Variants in PSD3 observed in about 807,000 individuals in gnomAD.
PSD3 encodes the protein PH and SEC7 domain-containing protein 3.
Under a neutral mutation model 105.5 loss-of-function variants are expected in PSD3, and 49 were observed. The ratio of observed to expected loss-of-function variants is 0.46; its 90% CI spans 0.37 to 0.59. PSD3 has a LOEUF of 0.59. Among genes scored for constraint, PSD3 ranks in the 20% least tolerant of loss-of-function variants. The probability of loss-of-function intolerance (pLI) is 0.00; values close to 1 mark genes in which losing one functional copy is unlikely to be tolerated. For synonymous variants in PSD3, 557 were observed against 457.8 expected (o/e 1.22, Z -2.77); for missense variants, 1,561 against 1,263.8 (o/e 1.24, Z -3.57).
At chr8:18,617,780 A>T (rs890567033) in intron 11 of PSD3, among the ~76,000 whole-genome samples, 5 of 152,184 alleles carry the variant, frequency 3.3e-5, no homozygotes, top group African/African-American at 1.2e-4. Context: ...CACTGACAAA[A>T]CAGACTCTTA....
chr8:18,590,243 A>G (rs984570167), intron 12 of PSD3, among the ~76,000 whole-genome samples: 1 of 152,190 alleles, frequency 6.6e-6, no homozygotes, highest in Non-Finnish European at 1.5e-5. Flanking sequence ...CCCAGTCTCC[A>G]TTCCAAAGCA....
At chr8:18,974,816 G>A (rs1414126672) in intron 1 of PSD3, among the ~76,000 whole-genome samples, 3 of 152,140 alleles carry the variant, frequency 2.0e-5, no homozygotes, top group African/African-American at 7.2e-5. Flanking sequence ...ACATCCAGCA[G>A]GTCCTGCAGT....
chr8:18,755,358 A>T (rs942682784), intron 9 of PSD3, among the ~76,000 whole-genome samples: 2 of 152,136 alleles, frequency 1.3e-5, no homozygotes, highest in Middle Eastern at 3.4e-3. Context: ...TGAACCTAGG[A>T]GGTAGAGGTT....
chr8:18,551,201 T>A (rs188482869), intron 15 of PSD3, among the ~76,000 whole-genome samples: 1 of 152,240 alleles, frequency 6.6e-6, no homozygotes, highest in East Asian at 1.9e-4. Context: ...TCCCCAATGT[T>A]GACAAATAAA....
chr8:18,602,920 A>C (rs1458906275), intron 11 of PSD3, among the ~76,000 whole-genome samples: 2 of 152,194 alleles, frequency 1.3e-5, no homozygotes, highest in Non-Finnish European at 2.9e-5. Context: ...ATTTCACAGC[A>C]CGTGTGTTTT....
chr8:19,026,122 G>T (rs1018459321), intron 1 of PSD3, among the ~76,000 whole-genome samples: 1 of 152,112 alleles, frequency 6.6e-6, no homozygotes, highest in Non-Finnish European at 1.5e-5. Context: ...GCAAGGGAAA[G>T]ACCTGCCCCC....
At chr8:18,825,209 A>G (rs926318164) in intron 4 of PSD3, among the ~76,000 whole-genome samples, 1 of 152,198 alleles carries the variant, frequency 6.6e-6, no homozygotes, top group Admixed American at 6.5e-5. Context: ...AGAACCCAAA[A>G]GTTAGTTATA....
chr8:18,635,642 C>T (rs890263513), intron 10 of PSD3, among the ~76,000 whole-genome samples: 1 of 152,050 alleles, frequency 6.6e-6, no homozygotes, highest in African/African-American at 2.4e-5. Context: ...CCCAAATGCC[C>T]ACCAATGATA....
intron 1 of PSD3, among the ~76,000 whole-genome samples, chr8:19,070,968 T>C (rs1040072056): frequency 2.0e-5 from 3 of 152,216 alleles, no homozygotes; most frequent in African/African-American, 7.2e-5. Context: ...TTTTAAACCC[T>C]CTTCAAAGAG....
At chr8:18,787,679 A>G (rs1227454311) in intron 8 of PSD3, among the ~76,000 whole-genome samples, 1 of 152,194 alleles carries the variant, frequency 6.6e-6, no homozygotes, top group African/African-American at 2.4e-5. Context: ...CAGCGACAAT[A>G]TTACCATTTT....
chr8:18,996,761 T>G (rs1176393411), intron 1 of PSD3, among the ~76,000 whole-genome samples: 1 of 151,944 alleles, frequency 6.6e-6, no homozygotes, highest in Non-Finnish European at 1.5e-5. Context: ...TTTTCTACAT[T>G]TGATGTTTCC....
At chr8:18,877,765 C>G (rs1023367217) in intron 2 of PSD3, among the ~76,000 whole-genome samples, 2 of 152,036 alleles carry the variant, frequency 1.3e-5, no homozygotes, top group African/African-American at 4.8e-5. Flanking sequence ...TGGTCTTGAA[C>G]TCCTAGGCTC....
chr8:18,531,782 CTT>C lies in PSD3; in HGVS notation c.*3959_*3960del, dbSNP rs1799643002. ...AGGTTTAACAACTCTTAGGATGCCA[CTT>C]TGGTTCTTTGTTTTACAGTGCTAAT... is the stretch of plus-strand genomic sequence containing the variant. On this transcript the variant is annotated 3_prime_UTR_variant, in exon 16 of 16. Coordinates refer to ENST00000327040, the MANE Select transcript of PSD3 (RefSeq NM_015310.4). 6.6e-6 allele frequency: 1 copy of C among 152,242 alleles called. No individual in the cohort carries two copies. Among genetic ancestry groups the C allele is most frequent in the Non-Finnish European group, 1.5e-5 (1 of 68,044 alleles). The allele number at this position is 152,242 out of a possible 1,614,324, so 9.4% of individuals were successfully genotyped here.
chr8:18,646,172 C>T lies in PSD3; in HGVS notation c.2216+9470G>A, dbSNP rs367966436. Among the ~76,000 whole-genome samples, 42 of 152,194 alleles carry T rather than the reference C, an allele frequency of 2.8e-4. 1 individual carries two copies. The highest frequency in any genetic ancestry group is 2.7e-3 in the East Asian group (14 of 5,192). On this transcript the variant is annotated intron_variant, in intron 10 of 15. Transcript: ENST00000327040. ...TAGTTTTCTTGTTAGTAATGATTGCCAACCTACAGATGGCTACATTGAAGT... is the reference window on the plus strand; with the variant it reads ...TAGTTTTCTTGTTAGTAATGATTGCTAACCTACAGATGGCTACATTGAAGT...
intron 8 of PSD3, among the ~76,000 whole-genome samples, chr8:18,778,928 T>A (rs1390762825): frequency 1.3e-5 from 2 of 152,076 alleles, no homozygotes; most frequent in Non-Finnish European, 2.9e-5. Context: ...TCTTATTGTA[T>A]CCTTATCTGG....
chr8:18,601,786 C>T (rs1370493587), intron 11 of PSD3, among the ~76,000 whole-genome samples: 4 of 152,174 alleles, frequency 2.6e-5, no homozygotes, highest in South Asian at 4.1e-4. Context: ...ATATTCACTA[C>T]ATTGTTCAAT....
intron 15 of PSD3, among the ~76,000 whole-genome samples, chr8:18,554,028 T>A (rs1211013132): frequency 6.6e-6 from 1 of 152,212 alleles, no homozygotes; most frequent in African/African-American, 2.4e-5. Context: ...TGTCAGGGAT[T>A]GAAAATGCTG....
chr8:19,079,181 A>G (rs1829561966), intron 1 of PSD3, among the ~76,000 whole-genome samples: 1 of 152,114 alleles, frequency 6.6e-6, no homozygotes, highest in African/African-American at 2.4e-5. Context: ...CACTAAGGCA[A>G]ATCACAAGAT....
At chr8:18,748,935 T>C (rs953914288) in intron 9 of PSD3, among the ~76,000 whole-genome samples, 1 of 152,178 alleles carries the variant, frequency 6.6e-6, no homozygotes, top group African/African-American at 2.4e-5. Flanking sequence ...TATCAGTAGA[T>C]ATGGAGCTTT....
Sources: gnomAD v4.1 joint callset for allele counts (sites outside exome capture counted in the v4.1 genomes callset) on GRCh38, gnomAD v4.1.1 for gene constraint, MANE v1.5 for transcripts, NCBI Gene and HGNC (gene_info 2026-07-23, HGNC 2026-07-21) for gene names.